WDFY3: variants seen among roughly 807,000 people sequenced by gnomAD.
WDFY3 encodes WD repeat and FYVE domain-containing protein 3.
Under a neutral mutation model 409.6 loss-of-function variants are expected in WDFY3, and 66 were observed. The observed-to-expected ratio is 0.16, with a 90% CI of 0.13 to 0.20. WDFY3 has a LOEUF of 0.20. WDFY3 is among the 10% of genes least tolerant of loss of function. The pLI is 1.00. For missense variants in WDFY3, 3,031 were observed against 4,298.1 expected (o/e 0.71, Z 8.24); for synonymous variants, 1,521 against 1,537.1 (o/e 0.99, Z 0.25).
At chr4:84,803,922 C>T (rs1366587727) in intron 15 of WDFY3, 2 of 153,616 alleles carry the variant, frequency 1.3e-5, no homozygotes, top group East Asian at 3.8e-4. Flanking sequence ...ATGAGTAACA[C>T]AATCAACAAC....
At chr4:84,905,641 G>A (rs533219238) in intron 2 of WDFY3, among the ~76,000 whole-genome samples, 1 of 152,292 alleles carries the variant, frequency 6.6e-6, no homozygotes, top group South Asian at 2.1e-4. Flanking sequence ...GGGGGCTAGA[G>A]GACAGGTAAC....
At position 84,874,419 on chromosome 4, in the gene WDFY3, A is replaced by C. The variant is rs183983713; in HGVS notation, c.-31-13797T>G. Among the ~76,000 whole-genome samples, 729 of 152,158 alleles carry C rather than the reference A, an allele frequency of 4.8e-3. 1 individual carries two copies. Among genetic ancestry groups the C allele is most frequent in the Admixed American group, 7.1e-3 (109 of 15,298 alleles). ...CAGAGCGAGACTCTGTCTCAAAAAA[A>C]AAACAAACAAACACAAAGCAGGTAT... is the stretch of plus-strand genomic sequence containing the variant. On this transcript the variant is annotated intron_variant, in intron 3 of 67. Transcript: ENST00000295888.
chr4:84,788,215 G>A (rs1024620345), intron 22 of WDFY3, among the ~76,000 whole-genome samples: 3 of 152,096 alleles, frequency 2.0e-5, no homozygotes, highest in African/African-American at 7.2e-5. Context: ...GCTTTTTCTT[G>A]CTGAAGCAGC....
At chr4:84,713,881 G>A (rs377697152) in intron 50 of WDFY3, among the ~76,000 whole-genome samples, 26 of 152,138 alleles carry the variant, frequency 1.7e-4, no homozygotes, top group African/African-American at 5.1e-4. Context: ...CACTTTGGGA[G>A]GCCGAGGCGG....
chr4:84,956,590 C>T (rs1038736600), intron 1 of WDFY3, among the ~76,000 whole-genome samples: 3 of 152,132 alleles, frequency 2.0e-5, no homozygotes, highest in Non-Finnish European at 4.4e-5. Flanking sequence ...TTTTAAAATC[C>T]TCACTCATTT....
intron 1 of WDFY3, among the ~76,000 whole-genome samples, chr4:84,951,710 C>A (rs1405157660): frequency 1.3e-5 from 2 of 152,168 alleles, no homozygotes; most frequent in Non-Finnish European, 2.9e-5. Flanking sequence ...TGCAATGCAA[C>A]CAGTTTTCTT....
chr4:84,920,297 T>C (rs1769105886), intron 2 of WDFY3, among the ~76,000 whole-genome samples: 1 of 152,164 alleles, frequency 6.6e-6, no homozygotes, highest in Non-Finnish European at 1.5e-5. Flanking sequence ...ATTAAAGTAA[T>C]GTAAGAATGT....
In WDFY3 at chr4:84,724,545, T is replaced by C; in HGVS notation, c.7322A>G (p.Tyr2441Cys). Reference sequence around the variant, plus strand: ...GGGATTGCCAGAGGCCAGTCGCATGTAGTACTCTTTACTGTCATAACTTAC... The same window carrying C: ...GGGATTGCCAGAGGCCAGTCGCATGCAGTACTCTTTACTGTCATAACTTAC... ...RAVSYDSKEY[Y>C]MRLASGNPAI... The change falls in exon 46 of 68, where the codon TAC (tyrosine) becomes TGC (cysteine). Residue 2441 changes from tyrosine (Y) to cysteine (C), a missense_variant. Around this residue, in one of 16 missense-constraint regions of WDFY3, gnomAD observed 127 missense variants for 144.4 expected, o/e 0.88. Coordinates refer to ENST00000295888, the MANE Select transcript of WDFY3 (RefSeq NM_014991.6). The C allele has an allele frequency of 6.2e-7, 1 of 1,614,114 alleles. No individual in the cohort carries two copies. Among genetic ancestry groups the C allele is most frequent in the Non-Finnish European group, 8.5e-7 (1 of 1,179,988 alleles).
intron 32 of WDFY3, among the ~76,000 whole-genome samples, chr4:84,758,381 C>T (rs1263534000): frequency 3.3e-5 from 5 of 152,094 alleles, no homozygotes; most frequent in African/African-American, 7.2e-5. Context: ...CAGTAGCTAG[C>T]ACTACAGGCA....
rs746523701 is a variant in WDFY3, at chr4:84,683,979, G to A, written c.9690C>T (p.Asn3230=). 1.6e-5 allele frequency: 25 copies of A among 1,611,388 alleles called. No homozygotes were observed. The highest frequency in any genetic ancestry group is 4.0e-5 in the African/African-American group (3 of 74,890). The stretch of plus-strand genomic sequence containing the variant: ...CATCTGAGTGTCCTGTCACTATGAC[G>A]TTCTGCGTGTCCCATTCGTTCATCT... ...MSEMNEWDTQ[N]VIVTGHSDGV... is the part of the protein sequence containing the mutation. The change falls in exon 63 of 68, where the codon AAC becomes AAT. Residue 3230 remains asparagine (N), a synonymous_variant. Coordinates refer to ENST00000295888, the MANE Select transcript of WDFY3 (RefSeq NM_014991.6).
intron 47 of WDFY3, among the ~76,000 whole-genome samples, chr4:84,720,381 AG>A (rs1284086208): frequency 6.6e-6 from 1 of 152,202 alleles, no homozygotes. Flanking sequence ...ATTAGGATAA[AG>A]GTTATGCAAG....
At chr4:84,799,685 G>GTT (rs912038637) in intron 17 of WDFY3, among the ~76,000 whole-genome samples, 36 of 150,768 alleles carry the variant, frequency 2.4e-4, no homozygotes, top group Non-Finnish European at 4.4e-5. Context: ...ATAACATCAT[G>GTT]TTAAAAAAAA....
chr4:84,677,226 C>T lies in WDFY3; in HGVS notation c.10430G>A (p.Arg3477Lys). Residue 3477 changes from arginine to lysine, a missense_variant, in exon 67 of 68, where the codon AGG becomes AAG. Physicochemically the swap from Arg to Lys is conservative, Grantham distance 26 (BLOSUM62 2). This residue lies in a region of WDFY3 where 378 missense variants were observed against 477.3 expected (regional missense o/e 0.79). Transcript: ENST00000295888. ...FSLTERRHHC[R>K]NCGQLFCQKC... ...CTGGCAGAAGAGCTGACCACAGTTC[C>T]TGCAATGGTGTCGTCTTTCTGTGAG... is the stretch of plus-strand genomic sequence containing the variant. The T allele has an allele frequency of 6.2e-7, 1 of 1,614,188 alleles. No homozygotes were observed. The highest frequency in any genetic ancestry group is 1.7e-5 in the Admixed American group (1 of 60,026).
chr4:84,802,537 G>C (rs1361486789), intron 16 of WDFY3, among the ~76,000 whole-genome samples: 1 of 151,986 alleles, frequency 6.6e-6, no homozygotes, highest in Non-Finnish European at 1.5e-5. Flanking sequence ...CAAAGTGCTG[G>C]GATTACAGGC....
chr4:84,704,197 T>C, intron 55 of WDFY3, 141 bp downstream of exon 55: 1 of 557,660 alleles, frequency 1.8e-6, no homozygotes, highest in Non-Finnish European at 2.9e-6. Flanking sequence ...CCAACAAAAT[T>C]CTACTTTAGT....
At chr4:84,806,767 G>A (rs1445243755) in intron 15 of WDFY3, among the ~76,000 whole-genome samples, 1 of 151,780 alleles carries the variant, frequency 6.6e-6, no homozygotes, top group Non-Finnish European at 1.5e-5. Context: ...TGCCATGCCC[G>A]GCCAATTTTT....
intron 7 of WDFY3, among the ~76,000 whole-genome samples, chr4:84,835,470 G>C (rs983717891): frequency 2.0e-5 from 3 of 152,154 alleles, no homozygotes; most frequent in Admixed American, 6.5e-5. Context: ...AATCATTTTG[G>C]GGAAAAACAA....
chr4:84,733,743 T>A, intron 43 of WDFY3, 134 bp from the exon 44 acceptor site: 2 of 858,608 alleles, frequency 2.3e-6, no homozygotes, highest in Non-Finnish European at 3.5e-6. Context: ...ATTATAAAAG[T>A]AAAATTACAT....
chr4:84,851,979 CCTT>C (rs1302466988), intron 4 of WDFY3, among the ~76,000 whole-genome samples: 1 of 152,052 alleles, frequency 6.6e-6, no homozygotes, highest in Non-Finnish European at 1.5e-5. Context: ...ATACAAGATT[CCTT>C]CTTATTATAG....
Sources: gnomAD v4.1 joint callset for allele counts (sites outside exome capture counted in the v4.1 genomes callset) on GRCh38, gnomAD v4.1.1 for gene constraint, gnomAD v4.1.1 regional missense constraint, MANE v1.5 for transcripts, NCBI Gene and HGNC (gene_info 2026-07-23, HGNC 2026-07-21) for gene names.